Variants in NPR3 observed in about 807,000 individuals in gnomAD.
NPR3 encodes natriuretic peptide receptor 3.
A neutral mutation model predicts 54.5 loss-of-function variants in NPR3; 34 were observed. The ratio of observed to expected loss-of-function variants is 0.62; its 90% confidence interval spans 0.47 to 0.83. The LOEUF (loss-of-function observed/expected upper bound fraction) is 0.83, where lower values mean the gene tolerates loss of function less well. Ranked by LOEUF, NPR3 falls within the 40% of genes least tolerant of loss-of-function variation. NPR3 has a pLI of 0.00. For missense variants in NPR3, 674 were observed against 720.8 expected (o/e 0.94, Z 0.74); for synonymous variants, 289 against 297.1 (o/e 0.97, Z 0.28).
chr5:32,778,740 C>T (rs753817143), intron 4 of NPR3, among the ~76,000 whole-genome samples: 3 of 152,164 alleles, frequency 2.0e-5, no homozygotes, highest in Admixed American at 1.3e-4. Context: ...TGCTAATTGG[C>T]CACGCTGAGG....
At chr5:32,785,148 T>C in intron 7 of NPR3, among the ~76,000 whole-genome samples, 1 of 142,240 alleles carries the variant, frequency 7.0e-6, no homozygotes. Flanking sequence ...ATTTTTTTTT[T>C]TTTTTTTTTT....
At chr5:32,710,190 G>A (rs1738137653), upstream of NPR3, 1 of 152,158 alleles carries the variant, frequency 6.6e-6, no homozygotes. Context: ...CGCTGCTGTG[G>A]CTATGGCCAG....
intron 4 of NPR3, among the ~76,000 whole-genome samples, chr5:32,779,977 C>T (rs1365311964): frequency 6.6e-6 from 1 of 152,096 alleles, no homozygotes; most frequent in African/African-American, 2.4e-5. Flanking sequence ...AGTTCCTTGT[C>T]CAAGGTCATG....
chr5:32,725,800 C>A (rs1356305470), intron 2 of NPR3, among the ~76,000 whole-genome samples: 1 of 152,178 alleles, frequency 6.6e-6, no homozygotes, highest in East Asian at 1.9e-4. Flanking sequence ...ACTGTTACTG[C>A]AAATTGAGGT....
intron 1 of NPR3, among the ~76,000 whole-genome samples, chr5:32,691,659 A>G (rs1218824128): frequency 1.3e-5 from 2 of 152,240 alleles, no homozygotes; most frequent in African/African-American, 4.8e-5. Context: ...TTTGCAGAGT[A>G]ATCTGGCTGT....
intron 3 of NPR3, among the ~76,000 whole-genome samples, chr5:32,765,968 A>G (rs1056179896): frequency 6.6e-6 from 1 of 152,236 alleles, no homozygotes; most frequent in Non-Finnish European, 1.5e-5. Context: ...CAGAGCCTGC[A>G]AGGCCTGTGG....
chr5:32,712,008 T>C lies in NPR3; in HGVS notation c.232T>C (p.Tyr78His), dbSNP rs761488375. The C allele has an allele frequency of 6.2e-7, 1 of 1,613,306 alleles. No individual in the cohort carries two copies. Among genetic ancestry groups the C allele is most frequent in the Non-Finnish European group, 8.5e-7 (1 of 1,179,618 alleles). ...SLTRVRPAIE[Y>H]ALRSVEGNGT... ...CACCCGGGTGCGGCCGGCCATCGAG[T>C]ATGCTCTGCGCAGCGTGGAGGGCAA... Residue 78 changes from tyrosine to histidine, a missense_variant, in exon 1 of 8, where the codon TAT becomes CAT. Physicochemically the swap from Tyr to His is moderately conservative, Grantham distance 83. Coordinates refer to ENST00000265074, the MANE Select transcript of NPR3 (RefSeq NM_001204375.2).
At chr5:32,777,431 G>A (rs569448226) in intron 4 of NPR3, among the ~76,000 whole-genome samples, 1 of 152,148 alleles carries the variant, frequency 6.6e-6, no homozygotes, top group Admixed American at 6.5e-5. Flanking sequence ...GAGCTCTTTC[G>A]GTTTTACATT....
chr5:32,702,941 A>G (rs1381045837), intron 1 of NPR3, among the ~76,000 whole-genome samples: 1 of 152,086 alleles, frequency 6.6e-6, no homozygotes, highest in Non-Finnish European at 1.5e-5. Context: ...CTGACTTTTT[A>G]ATGATTGCCA....
intron 2 of NPR3, among the ~76,000 whole-genome samples, chr5:32,726,686 C>T (rs1028261004): frequency 6.6e-6 from 1 of 152,126 alleles, no homozygotes; most frequent in Non-Finnish European, 1.5e-5. Context: ...TCCTCTTATC[C>T]ACAGATAAAG....
intron 2 of NPR3, among the ~76,000 whole-genome samples, chr5:32,736,230 C>CAAAAAAAAAAAAAAAAAAA (rs56211529): frequency 1.5e-5 from 1 of 65,380 alleles, no homozygotes; most frequent in African/African-American, 5.3e-5. Context: ...CACTCTGTCT[C>CAAAAAAAAAAAAAAAAAAA]AAAAAAAAAA....
chr5:32,738,863 G>C lies in NPR3; in HGVS notation c.893-1G>C. 1 of 1,612,180 alleles carries C rather than the reference G, an allele frequency of 6.2e-7. No homozygotes were observed. Among genetic ancestry groups the C allele is most frequent in the Non-Finnish European group, 8.5e-7 (1 of 1,178,690 alleles). ...TATAAATATTTTTATTTCTTCCATAGGAGATGGCTCATGGAAGAGAGGAGA... is the reference window on the plus strand; with the variant it reads ...TATAAATATTTTTATTTCTTCCATACGAGATGGCTCATGGAAGAGAGGAGA... On this transcript the variant is annotated splice_acceptor_variant, in intron 2 of 7. Coordinates refer to ENST00000265074, the MANE Select transcript of NPR3 (RefSeq NM_001204375.2). LOFTEE classifies it high-confidence loss of function.
At chr5:32,736,367 C>G (rs1439002033) in intron 2 of NPR3, among the ~76,000 whole-genome samples, 6 of 151,878 alleles carry the variant, frequency 4.0e-5, no homozygotes, top group Non-Finnish European at 8.8e-5. Context: ...CATTTCGGTC[C>G]GTGAGATAGT....
rs1450969225 is a variant in NPR3 at position 32,789,774 on chromosome 5, T to A, written c.*3429T>A. ...GATGAAGGCCATTGCATAGATCTCA[T>A]GCAGATAGTGATGGATTCAGAAAGT... On this transcript the variant is annotated 3_prime_UTR_variant, in exon 8 of 8. Transcript: ENST00000265074. 1 of 526,002 alleles carries A rather than the reference T, an allele frequency of 1.9e-6. No individual in the cohort carries two copies. Among genetic ancestry groups the A allele is most frequent in the South Asian group, 1.4e-5 (1 of 70,462 alleles). 32.6% of individuals were successfully genotyped at this position (526,002 alleles called of 1,614,324 possible).
chr5:32,719,700 T>C (rs1267628924), intron 1 of NPR3, among the ~76,000 whole-genome samples: 1 of 152,120 alleles, frequency 6.6e-6, no homozygotes, highest in Non-Finnish European at 1.5e-5. Flanking sequence ...TATTTCCTAT[T>C]TCTAGGTTTC....
intron 1 of NPR3, 57 bp from the exon 2 acceptor site, chr5:32,724,641 A>C: frequency 6.2e-7 from 1 of 1,606,606 alleles, no homozygotes; most frequent in Non-Finnish European, 8.5e-7. Flanking sequence ...TGGTGTCAGC[A>C]TGCTCGAAGT....
intron 3 of NPR3, among the ~76,000 whole-genome samples, chr5:32,758,335 G>A (rs1006470636): frequency 2.0e-5 from 3 of 151,896 alleles, no homozygotes; most frequent in African/African-American, 7.3e-5. Context: ...TCTTCGGAGG[G>A]TGTATGTGTC....
chr5:32,763,798 G>A (rs1450909998), intron 3 of NPR3, among the ~76,000 whole-genome samples: 1 of 152,132 alleles, frequency 6.6e-6, no homozygotes, highest in East Asian at 1.9e-4. Flanking sequence ...ACTGGATGTT[G>A]TGGATATTAT....
chr5:32,727,241 C>T (rs1329179235), intron 2 of NPR3, among the ~76,000 whole-genome samples: 5 of 152,240 alleles, frequency 3.3e-5, no homozygotes, highest in Non-Finnish European at 7.4e-5. Flanking sequence ...ATCCTTCTAC[C>T]TCAGCCTCCT....
Sources: gnomAD v4.1 joint callset for allele counts (sites outside exome capture counted in the v4.1 genomes callset) on GRCh38, gnomAD v4.1.1 for gene constraint, MANE v1.5 for transcripts, NCBI Gene and HGNC (gene_info 2026-07-23, HGNC 2026-07-21) for gene names.